The following WDR7 variants were observed in gnomAD, a reference collection of about 807,000 sequenced individuals.
The protein encoded by WDR7 is WD repeat domain 7, also known as WD repeat-containing protein 7.
Under a neutral mutation model 169.4 loss-of-function variants are expected in WDR7, and 46 were observed. The observed-to-expected ratio is 0.27, with a 90% CI of 0.21 to 0.35. WDR7 has a LOEUF of 0.35. Among genes scored for constraint, WDR7 ranks in the 10% least tolerant of loss-of-function variants. The probability of loss-of-function intolerance (pLI) is 1.00; values close to 1 mark genes in which losing one functional copy is unlikely to be tolerated. For synonymous variants in WDR7, 612 were observed against 666.8 expected (o/e 0.92, Z 1.27); for missense variants, 1,534 against 1,859.3 (o/e 0.83, Z 3.22).
Position 56,748,602 on chromosome 18 carries a change from C to T in WDR7, c.1990-7981C>T, listed in dbSNP as rs191893391. On this transcript the variant is annotated intron_variant, in intron 14 of 27. Transcript: ENST00000254442. ...TATTAAATTATAACGTAATATGAAACCTTAAAACCTCAGTCAAATGTCTCT... is the reference window on the plus strand; with the variant it reads ...TATTAAATTATAACGTAATATGAAATCTTAAAACCTCAGTCAAATGTCTCT... Among the ~76,000 whole-genome samples the T allele has an allele frequency of 2.8e-3, 419 of 152,026 alleles. 3 individuals are homozygous for T. In the East Asian group the frequency reaches 0.031, roughly 11 times the overall value.
At position 56,691,064 on chromosome 18, in the gene WDR7, C is replaced by A. The variant is rs980470521; in HGVS notation, c.718-152C>A. 11 of 1,066,996 alleles carry A rather than the reference C, an allele frequency of 1.0e-5. No homozygotes were observed. In the Admixed American group the frequency reaches 2.8e-4, roughly 27 times the overall value. The allele number at this position is 1,066,996 out of a possible 1,614,324, so 66.1% of individuals were successfully genotyped here. A position where few individuals can be genotyped will look rare whatever the true frequency, so the allele number is the denominator to read the frequency against. ...GTCTTCCCTATTGAAGGTGACCTCT[C>A]CCAGGGCTTATTGACAAACTTTCTT... On this transcript the variant is annotated intron_variant, in intron 7 of 27. Transcript: ENST00000254442.
At chr18:56,978,394 T>G (rs1292134617) in intron 26 of WDR7, among the ~76,000 whole-genome samples, 3 of 151,286 alleles carry the variant, frequency 2.0e-5, no homozygotes, top group Non-Finnish European at 4.4e-5. Context: ...AAACATTTAT[T>G]GAGTGCTACT....
At chr18:56,848,480 T>C (rs2045597443) in intron 20 of WDR7, among the ~76,000 whole-genome samples, 1 of 152,134 alleles carries the variant, frequency 6.6e-6, no homozygotes, top group Non-Finnish European at 1.5e-5. Context: ...TGGGAAGGCA[T>C]GACTGTATTT....
chr18:56,758,631 T>TA (rs143894377), intron 15 of WDR7, among the ~76,000 whole-genome samples: 3,942 of 152,292 alleles, frequency 0.026, 169 homozygotes, highest in African/African-American at 0.09. Flanking sequence ...CTTAAACTAA[T>TA]ATGAAGCACA....
intron 14 of WDR7, among the ~76,000 whole-genome samples, chr18:56,755,332 T>C (rs2043868249): frequency 6.6e-6 from 1 of 152,212 alleles, no homozygotes; most frequent in African/African-American, 2.4e-5. Flanking sequence ...TATTGTCTAT[T>C]TTTCTTAATA....
intron 14 of WDR7, among the ~76,000 whole-genome samples, chr18:56,754,642 G>T (rs1023711402): frequency 2.6e-5 from 4 of 152,046 alleles, no homozygotes; most frequent in Admixed American, 6.6e-5. Flanking sequence ...GCCCAGAAAA[G>T]ATGATTTATA....
chr18:56,802,010 T>C (rs535235440), intron 19 of WDR7, among the ~76,000 whole-genome samples: 1 of 152,196 alleles, frequency 6.6e-6, no homozygotes, highest in African/African-American at 2.4e-5. Context: ...TGCTTAGTTA[T>C]ATAAGAGTAA....
At position 56,803,104 on chromosome 18, in the gene WDR7, A is replaced by G. The variant is rs577374402; in HGVS notation, c.3191-12927A>G. 2.0e-5 allele frequency among the ~76,000 whole-genome samples: 3 copies of G among 152,320 alleles called. No homozygotes were observed. The South Asian group carries it at 6.2e-4, about 32-fold the overall frequency. On this transcript the variant is annotated intron_variant, in intron 19 of 27. Transcript: ENST00000254442. ...ACATGGTACTCATTACTGTCCATATATAACACTTCTTATGAGTTTCATCCA... is the reference window on the plus strand; with the variant it reads ...ACATGGTACTCATTACTGTCCATATGTAACACTTCTTATGAGTTTCATCCA...
At chr18:56,659,149 A>G (rs2024847180) in intron 1 of WDR7, among the ~76,000 whole-genome samples, 1 of 151,988 alleles carries the variant, frequency 6.6e-6, no homozygotes, top group African/African-American at 2.4e-5. Flanking sequence ...CGATAGACTA[A>G]AAGAGGCAGG....
chr18:56,683,777 A>G (rs1458927253), intron 5 of WDR7, among the ~76,000 whole-genome samples: 1 of 152,172 alleles, frequency 6.6e-6, no homozygotes, highest in Non-Finnish European at 1.5e-5. Flanking sequence ...CCATTAGTGA[A>G]TTGCCTTCAA....
intron 19 of WDR7, among the ~76,000 whole-genome samples, chr18:56,798,536 A>G (rs908688776): frequency 6.6e-6 from 1 of 152,198 alleles, no homozygotes; most frequent in African/African-American, 2.4e-5. Flanking sequence ...ATGAGTTAAG[A>G]TATCCTGGGC....
rs200612396 is a variant in WDR7 at position 56,793,363 on chromosome 18, A to G, written c.3190+11707A>G. 4.6e-5 allele frequency among the ~76,000 whole-genome samples: 7 copies of G among 152,316 alleles called. No individual in the cohort carries two copies. In the East Asian group the frequency reaches 9.6e-4, roughly 21 times the overall value. ...GCCATGCTGCACTTGACAAACCTCT[A>G]TAATCACTTGCCTGTTCAACTTAAT... On this transcript the variant is annotated intron_variant, in intron 19 of 27. Coordinates refer to ENST00000254442, the MANE Select transcript of WDR7 (RefSeq NM_015285.3).
intron 7 of WDR7, 74 bp from the exon 8 acceptor site, chr18:56,691,142 A>T (rs1204855393): frequency 3.3e-6 from 5 of 1,524,810 alleles, no homozygotes; most frequent in East Asian, 2.5e-5. Flanking sequence ...CTTTTTTTTT[A>T]AACTTGAAAT....
At chr18:56,680,637 G>A (rs536760717) in intron 3 of WDR7, among the ~76,000 whole-genome samples, 105 of 152,080 alleles carry the variant, frequency 6.9e-4, no homozygotes, top group Non-Finnish European at 1.2e-3. Flanking sequence ...TTCTTCAATA[G>A]ACAAGGCATG....
intron 16 of WDR7, among the ~76,000 whole-genome samples, chr18:56,774,769 G>C (rs1004707219): frequency 6.6e-6 from 1 of 152,062 alleles, no homozygotes; most frequent in South Asian, 2.1e-4. Context: ...TAGTGTGAAT[G>C]AAGTATTTTT....
intron 19 of WDR7, among the ~76,000 whole-genome samples, chr18:56,814,852 C>T (rs2044936906): frequency 6.6e-6 from 1 of 151,586 alleles, no homozygotes; most frequent in African/African-American, 2.4e-5. Flanking sequence ...ATTTTTTATT[C>T]ATCAGGGATC....
At chr18:56,706,027 C>CA (rs1183127014) in intron 12 of WDR7, among the ~76,000 whole-genome samples, 1 of 151,964 alleles carries the variant, frequency 6.6e-6, no homozygotes, top group Non-Finnish European at 1.5e-5. Context: ...AAATAATGAC[C>CA]AACAGATCAG....
intron 18 of WDR7, among the ~76,000 whole-genome samples, chr18:56,779,985 C>A (rs899781732): frequency 1.3e-5 from 2 of 152,150 alleles, no homozygotes; most frequent in South Asian, 4.1e-4. Context: ...TAGAAGACAC[C>A]TGGGTTTAAA....
intron 26 of WDR7, among the ~76,000 whole-genome samples, chr18:57,000,091 T>G (rs2047954512): frequency 6.6e-6 from 1 of 152,174 alleles, no homozygotes. Context: ...CCAAATATTT[T>G]TAGTCATAGA....
Sources: gnomAD v4.1 joint callset for allele counts (sites outside exome capture counted in the v4.1 genomes callset) on GRCh38, gnomAD v4.1.1 for gene constraint, MANE v1.5 for transcripts, NCBI Gene and HGNC (gene_info 2026-07-23, HGNC 2026-07-21) for gene names.